KCNJ15: variants seen among roughly 807,000 people sequenced by gnomAD.
KCNJ15 encodes the protein ATP-sensitive inward rectifier potassium channel 15.
Under a neutral mutation model 23.0 loss-of-function variants are expected in KCNJ15, and 14 were observed. The observed-to-expected ratio is 0.61, with a 90% CI of 0.40 to 0.95. The LOEUF is 0.95. Among genes scored for constraint, KCNJ15 ranks in the 40% least tolerant of loss-of-function variants. KCNJ15 has a pLI of 0.00. For missense variants in KCNJ15, 388 were observed against 461.8 expected, an observed-to-expected ratio of 0.84 and a Z score of 1.46; for synonymous variants, 185 against 183.2, an observed-to-expected ratio of 1.01 and a Z score of -0.08.
chr21:38,280,337 T>C (rs2836276), intron 1 of KCNJ15, among the ~76,000 whole-genome samples: 100,022 of 152,042 alleles, frequency 0.66, 33,620 homozygotes, highest in Non-Finnish European at 0.73. Flanking sequence ...GAAGTCATAA[T>C]AGGGCACACA....
intron 1 of KCNJ15, among the ~76,000 whole-genome samples, chr21:38,271,303 G>A (rs1982067977): frequency 6.6e-6 from 1 of 152,216 alleles, no homozygotes; most frequent in Non-Finnish European, 1.5e-5. Flanking sequence ...CGGAGGGGCT[G>A]GGTCATTTGC....
At chr21:38,281,067 G>A (rs1318206955) in intron 1 of KCNJ15, among the ~76,000 whole-genome samples, 3 of 152,120 alleles carry the variant, frequency 2.0e-5, no homozygotes, top group Non-Finnish European at 2.9e-5. Context: ...GGTTAGAAAT[G>A]CAAATTCTCA....
chr21:38,291,581 C>CTTATTCA (rs1984617120), intron 1 of KCNJ15: 1 of 152,168 alleles, frequency 6.6e-6, no homozygotes, highest in Non-Finnish European at 1.5e-5. Flanking sequence ...AATTTCTTGG[C>CTTATTCA]TTATTCATTT....
upstream of KCNJ15, among the ~76,000 whole-genome samples, chr21:38,252,398 A>C (rs1322209224): frequency 6.6e-6 from 1 of 152,124 alleles, no homozygotes; most frequent in African/African-American, 2.4e-5. Flanking sequence ...ACACAATATC[A>C]TGGTTAGCTA....
chr21:38,257,174 C>G lies in KCNJ15; in HGVS notation c.-128C>G, dbSNP rs1179376905. The G allele has an allele frequency of 2.0e-5, 3 of 152,296 alleles. No individual in the cohort carries two copies. 9.4% of individuals were successfully genotyped at this position (152,296 alleles called of 1,614,324 possible). On this transcript the variant is annotated 5_prime_UTR_variant, in exon 1 of 3. Transcript: ENST00000398938. ...CATCCAGCCAGGAGTCTGCACTCTT[C>G]AGTCTTTGCAGGTAAGAGGTACACG...
Position 38,300,416 on chromosome 21 carries a change from C to T in KCNJ15, c.*27C>T. On this transcript the variant is annotated 3_prime_UTR_variant, in exon 3 of 3. Coordinates refer to ENST00000398938, the MANE Select transcript of KCNJ15 (RefSeq NM_170736.3). The stretch of plus-strand genomic sequence containing the variant: ...CACAGGGGCGCCATCCAGGTTTAAC[C>T]CTGCAAGCTGTTTCCACATCAGAAC... 1 of 1,560,210 alleles carries T rather than the reference C, an allele frequency of 6.4e-7. No homozygotes were observed. Among genetic ancestry groups the T allele is most frequent in the Non-Finnish European group, 8.7e-7 (1 of 1,152,378 alleles).
intron 1 of KCNJ15, among the ~76,000 whole-genome samples, chr21:38,286,947 T>C (rs1210963701): frequency 6.6e-6 from 1 of 152,240 alleles, no homozygotes; most frequent in African/African-American, 2.4e-5. Flanking sequence ...TTCAGAGACC[T>C]TGAAATAACA....
At chr21:38,234,955 G>A (rs535285815) in intron 1 of KCNJ15, among the ~76,000 whole-genome samples, 2 of 152,216 alleles carry the variant, frequency 1.3e-5, no homozygotes, top group Non-Finnish European at 2.9e-5. Context: ...GGCAGGTTGG[G>A]TGTGTTGCTA....
chr21:38,281,243 T>C (rs1983307385), intron 1 of KCNJ15, among the ~76,000 whole-genome samples: 1 of 152,216 alleles, frequency 6.6e-6, no homozygotes, highest in Admixed American at 6.5e-5. Flanking sequence ...TATATACATT[T>C]TTCGTCTTGC....
In KCNJ15 at chr21:38,257,049, A is replaced by C. The variant is rs568150420; in HGVS notation, c.-253A>C. 3.3e-5 allele frequency: 5 copies of C among 152,200 alleles called. No individual in the cohort carries two copies. The East Asian group carries it at 7.7e-4, about 24-fold the overall frequency. The allele number at this position is 152,200 out of a possible 1,614,324, so 9.4% of individuals were successfully genotyped here. A position where few individuals can be genotyped will look rare whatever the true frequency, so the allele number is the denominator to read the frequency against. On this transcript the variant is annotated 5_prime_UTR_variant, in exon 1 of 3. Transcript: ENST00000398938. The stretch of plus-strand genomic sequence containing the variant: ...CCAACTTGTTTTTGACTGACAGTGA[A>C]CAGTGAGAGAGTTTTCTTCATTTTG...
chr21:38,267,488 C>T (rs1981583664), intron 1 of KCNJ15: 2 of 152,164 alleles, frequency 1.3e-5, no homozygotes, highest in Admixed American at 1.3e-4. Flanking sequence ...GAAGAAAAAC[C>T]CACCACGCTG....
intron 1 of KCNJ15, among the ~76,000 whole-genome samples, chr21:38,275,823 C>T (rs1195827752): frequency 6.6e-6 from 1 of 152,194 alleles, no homozygotes; most frequent in South Asian, 2.1e-4. Flanking sequence ...TGGGCAATTC[C>T]CCTTGTCTGT....
intron 1 of KCNJ15, among the ~76,000 whole-genome samples, chr21:38,290,682 G>A (rs886209661): frequency 3.3e-5 from 5 of 152,148 alleles, no homozygotes; most frequent in Admixed American, 2.6e-4. Context: ...CTGAGAGCCT[G>A]CATTTCTGAC....
At chr21:38,254,501 C>T (rs1163374827), upstream of KCNJ15, among the ~76,000 whole-genome samples, 1 of 152,180 alleles carries the variant, frequency 6.6e-6, no homozygotes, top group East Asian at 1.9e-4. Context: ...ATCTGCTCCA[C>T]TGTGTATGGT....
chr21:38,252,865 T>A (rs1979929951), upstream of KCNJ15, among the ~76,000 whole-genome samples: 1 of 152,164 alleles, frequency 6.6e-6, no homozygotes, highest in Non-Finnish European at 1.5e-5. Context: ...GAGAGCCCAT[T>A]CCTGTGCTTC....
chr21:38,255,866 A>G (rs1414959323), upstream of KCNJ15, among the ~76,000 whole-genome samples: 2 of 152,184 alleles, frequency 1.3e-5, no homozygotes, highest in African/African-American at 2.4e-5. Context: ...TGTCTGCTCT[A>G]TGTCAAACCA....
At chr21:38,286,790 T>C (rs1029719321) in intron 1 of KCNJ15, among the ~76,000 whole-genome samples, 3 of 152,330 alleles carry the variant, frequency 2.0e-5, no homozygotes, top group African/African-American at 7.2e-5. Context: ...CGATCTCACA[T>C]GAGGAGAAAA....
chr21:38,299,173 C>CATG lies in KCNJ15; in HGVS notation c.-18-65_-18-63dup. The CATG allele has an allele frequency of 8.5e-7, 1 of 1,170,556 alleles. No homozygotes were observed. The highest frequency in any genetic ancestry group is 1.2e-6 in the Non-Finnish European group (1 of 814,458). 72.5% of individuals were successfully genotyped at this position (1,170,556 alleles called of 1,614,324 possible). A position where few individuals can be genotyped will look rare whatever the true frequency, so the allele number is the denominator to read the frequency against. ...TCCATGTACATTCATACTTACTTCA[C>CATG]ATGATGATTCTATTTTCTGGAAGTT... is the stretch of plus-strand genomic sequence containing the variant. On this transcript the variant is annotated intron_variant, in intron 2 of 2. Transcript: ENST00000398938. The surrounding 1 kb of genome is among the most constrained non-coding windows in gnomAD (Gnocchi z 4.5).
chr21:38,255,944 G>A (rs1444404047), upstream of KCNJ15, among the ~76,000 whole-genome samples: 1 of 152,200 alleles, frequency 6.6e-6, no homozygotes, highest in Non-Finnish European at 1.5e-5. Flanking sequence ...CGTCTCCCAT[G>A]GGAAACAGAC....
Sources: allele counts gnomAD v4.1 joint callset (sites outside exome capture counted in the v4.1 genomes callset), GRCh38; gene constraint gnomAD v4.1.1; non-coding constraint Gnocchi (gnomAD v3.1); transcripts MANE v1.5; gene names NCBI Gene and HGNC (gene_info 2026-07-23, HGNC 2026-07-21).